TBRG4: variants seen among roughly 807,000 people sequenced by gnomAD.
TBRG4 encodes transforming growth factor beta regulator 4.
TBRG4 carries 43 observed loss-of-function variants against 65.6 expected under a neutral mutation model. That is an observed-to-expected ratio of 0.66 (90% CI 0.51 to 0.85). TBRG4 has a LOEUF of 0.85. Among genes scored for constraint, TBRG4 ranks in the 40% least tolerant of loss-of-function variants. The pLI is 0.00. For missense variants in TBRG4, 709 were observed against 787.9 expected, an observed-to-expected ratio of 0.90 and a Z score of 1.20; for synonymous variants, 366 against 341.4, an observed-to-expected ratio of 1.07 and a Z score of -0.79.
chr7:45,103,095 C>T, intron 6 of TBRG4: 1 of 562,744 alleles, frequency 1.8e-6, no homozygotes, highest in Non-Finnish European at 3.2e-6. Flanking sequence ...AAAAGGAGCA[C>T]CAGAGGCAGG....
At chr7:45,104,451 A>T in intron 4 of TBRG4, 87 bp downstream of exon 4, 1 of 1,600,544 alleles carries the variant, frequency 6.2e-7, no homozygotes, top group Non-Finnish European at 8.6e-7. Context: ...CCTACCATGC[A>T]TAGGACAGGT....
intron 3 of TBRG4, chr7:45,104,976 G>A (rs1784891920): frequency 1.3e-6 from 1 of 751,390 alleles, no homozygotes; most frequent in East Asian, 2.5e-5. Context: ...TGTGGAGCTT[G>A]CTGTGGCAGC....
rs531151779 is a variant in TBRG4, at chr7:45,108,532, G to A, written c.411+295C>T. Among the ~76,000 whole-genome samples, 3 of 152,344 alleles carry A rather than the reference G, an allele frequency of 2.0e-5. No individual in the cohort carries two copies. In the East Asian group the frequency reaches 5.8e-4, roughly 29 times the overall value. On this transcript the variant is annotated intron_variant, in intron 2 of 10. Transcript: ENST00000258770. ...GCAATACAAGTCAAGACTATATGGT[G>A]AGGGGGAAAGCACCCAAAGAACTGA...
At position 45,103,445 on chromosome 7, in the gene TBRG4, TG is replaced by T. The variant is rs2128644812; in HGVS notation, c.1066-3del. On this transcript the variant is annotated splice_region_variant and splice_polypyrimidine_tract_variant and intron_variant, in intron 5 of 10. Coordinates refer to ENST00000258770, the MANE Select transcript of TBRG4 (RefSeq NM_004749.4). Reference sequence around the variant, plus strand: ...GTCCTGCGCTCTGTTCAGGACGTGCTGGGTGGGTCAGAAATAGCAGAGGGAC... The same window carrying T: ...GTCCTGCGCTCTGTTCAGGACGTGCTGGTGGGTCAGAAATAGCAGAGGGAC... The T allele has an allele frequency of 6.2e-7, 1 of 1,610,748 alleles. No homozygotes were observed. The highest frequency in any genetic ancestry group is 8.5e-7 in the Non-Finnish European group (1 of 1,178,084).
At chr7:45,111,597 G>A (rs1298277585) in intron 1 of TBRG4, 46 bp downstream of exon 1, 1 of 1,289,248 alleles carries the variant, frequency 7.8e-7, no homozygotes, top group East Asian at 5.6e-5. Flanking sequence ...TTGTGCACTC[G>A]AAACCCACGA....
intron 8 of TBRG4, 52 bp from the exon 9 acceptor site, chr7:45,101,666 C>T (rs778839495): frequency 2.5e-6 from 4 of 1,601,424 alleles, no homozygotes; most frequent in Non-Finnish European, 8.5e-7. Flanking sequence ...CCTCAGAAAC[C>T]CCCCCACAGG....
chr7:45,105,027 A>T (rs772741319), intron 3 of TBRG4: 1 of 718,042 alleles, frequency 1.4e-6, no homozygotes, highest in Non-Finnish European at 2.6e-6. Flanking sequence ...CGGGCACTGA[A>T]TTTGACTTGA....
intron 4 of TBRG4, 31 bp downstream of exon 4, chr7:45,104,507 C>T: frequency 6.2e-7 from 1 of 1,613,604 alleles, no homozygotes; most frequent in Non-Finnish European, 8.5e-7. Context: ...CAGCGCTCCC[C>T]TCTCTCCACC....
chr7:45,100,652 C>G (rs937635421), intron 10 of TBRG4, among the ~76,000 whole-genome samples: 4 of 152,220 alleles, frequency 2.6e-5, no homozygotes, highest in Non-Finnish European at 4.4e-5. Context: ...CTGGAGGGGT[C>G]TGCAAACTAC....
At position 45,101,542 on chromosome 7, in the gene TBRG4, T is replaced by C. The variant is rs772027933; in HGVS notation, c.1640A>G (p.Gln547Arg). ...AGGTGGTGACTGGCTCCCAGTTGGC[T>C]GGGCAAGGTGAGGTGCCACAAAGTC... ...VRDFVAPHLA[Q>R]PTGSQSPPPG... The change falls in exon 9 of 11, where the codon CAG (glutamine) becomes CGG (arginine). Residue 547 changes from glutamine to arginine, a missense_variant. Coordinates refer to ENST00000258770, the MANE Select transcript of TBRG4 (RefSeq NM_004749.4). 1 of 1,613,814 alleles carries C rather than the reference T, an allele frequency of 6.2e-7. No homozygotes were observed. The highest frequency in any genetic ancestry group is 1.1e-5 in the South Asian group (1 of 91,040).
intron 6 of TBRG4, chr7:45,103,035 T>C (rs1330198840): frequency 2.1e-6 from 1 of 465,316 alleles, no homozygotes; most frequent in Non-Finnish European, 4.0e-6. Context: ...CCTGAGCTGG[T>C]GCACATAGCA....
At chr7:45,104,397 G>T in intron 4 of TBRG4, 141 bp from the exon 5 acceptor site, 1 of 1,564,476 alleles carries the variant, frequency 6.4e-7, no homozygotes, top group Non-Finnish European at 8.8e-7. Context: ...CAGGAACAGG[G>T]CCCATGAGTC....
intron 7 of TBRG4, 94 bp downstream of exon 7, chr7:45,102,253 C>T (rs1784789304): frequency 1.3e-6 from 2 of 1,576,426 alleles, no homozygotes; most frequent in African/African-American, 2.7e-5. Context: ...AGGGAGAGCC[C>T]TGGCCTCCAT....
intron 5 of TBRG4, chr7:45,103,742 G>T (rs778274070): frequency 1.9e-6 from 1 of 514,124 alleles, no homozygotes; most frequent in South Asian, 2.5e-5. Context: ...ACACATAAAC[G>T]TAACTGCAGG....
Position 45,103,426 on chromosome 7 carries a change from C to T in TBRG4, c.1083G>A (p.Ala361=), listed in dbSNP as rs769071294. 1.4e-5 allele frequency: 23 copies of T among 1,613,412 alleles called. No homozygotes were observed. The highest frequency in any genetic ancestry group is 5.3e-5 in the African/African-American group (4 of 74,894). The change falls in exon 6 of 11, where the codon GCG becomes GCA. Residue 361 remains alanine, a synonymous_variant. Transcript: ENST00000258770. ...EAFAQHVLNR[A]QDITLPHLCS... ...ACAGGTGGGGCAGGGTGATGTCCTG[C>T]GCTCTGTTCAGGACGTGCTGGGTGG...
At chr7:45,105,205 G>T in intron 3 of TBRG4, 1 of 609,386 alleles carries the variant, frequency 1.6e-6, no homozygotes, top group Non-Finnish European at 2.9e-6. Context: ...TCAGGGAAGC[G>T]CCTGTGTTGG....
At chr7:45,111,435 C>T in intron 1 of TBRG4, 3 of 399,820 alleles carry the variant, frequency 7.5e-6, no homozygotes, top group South Asian at 7.0e-5. Context: ...GGGGCGGCGT[C>T]TTCCAGGCCT....
At chr7:45,111,431 G>C in intron 1 of TBRG4, 1 of 346,460 alleles carries the variant, frequency 2.9e-6, no homozygotes, top group South Asian at 2.5e-5. Context: ...AACAGGGGCG[G>C]CGTCTTCCAG....
intron 1 of TBRG4, 76 bp from the exon 2 acceptor site, chr7:45,109,363 C>T: frequency 8.5e-7 from 1 of 1,169,926 alleles, no homozygotes. Context: ...ATGAAATAGT[C>T]AAAGCCACTC....
Sources: gnomAD v4.1 joint callset for allele counts (sites outside exome capture counted in the v4.1 genomes callset) on GRCh38, gnomAD v4.1.1 for gene constraint, MANE v1.5 for transcripts, NCBI Gene and HGNC (gene_info 2026-07-23, HGNC 2026-07-21) for gene names.